Variants in CNOT6 observed in about 807,000 individuals in gnomAD.
CNOT6 encodes the protein carbon catabolite repression 4 protein.
A neutral mutation model predicts 61.2 loss-of-function variants in CNOT6; 12 were observed. That is an observed-to-expected ratio of 0.20 (90% CI 0.13 to 0.32). The LOEUF (loss-of-function observed/expected upper bound fraction) is 0.32. Ranked by LOEUF, CNOT6 falls within the 10% of genes least tolerant of loss-of-function variation. CNOT6 has a pLI of 1.00. For synonymous variants in CNOT6, 225 were observed against 240.6 expected (o/e 0.94, Z 0.60); for missense variants, 405 against 663.9 (o/e 0.61, Z 4.28).
At chr5:180,520,160 A>G (rs554370468) in intron 1 of CNOT6, among the ~76,000 whole-genome samples, 91 of 152,170 alleles carry the variant, frequency 6.0e-4, no homozygotes, top group Admixed American at 2.0e-3. Flanking sequence ...ATGAACATTT[A>G]GATTTTCAGT....
intron 1 of CNOT6, among the ~76,000 whole-genome samples, chr5:180,501,222 C>T (rs965101098): frequency 3.9e-5 from 6 of 152,114 alleles, no homozygotes; most frequent in Admixed American, 6.5e-5. Flanking sequence ...AGTTCATTTA[C>T]GTCCTGTGAG....
At chr5:180,501,702 G>A (rs937284949) in intron 1 of CNOT6, among the ~76,000 whole-genome samples, 7 of 152,218 alleles carry the variant, frequency 4.6e-5, no homozygotes, top group Non-Finnish European at 8.8e-5. Flanking sequence ...GACCACAAGA[G>A]GAGAGGACTA....
At chr5:180,562,708 C>T (rs1036337401) in intron 4 of CNOT6, among the ~76,000 whole-genome samples, 1 of 151,942 alleles carries the variant, frequency 6.6e-6, no homozygotes, top group African/African-American at 2.4e-5. Flanking sequence ...CCACTGCACT[C>T]CAGCCTGGGC....
At chr5:180,549,013 C>G (rs1759453675) in intron 2 of CNOT6, among the ~76,000 whole-genome samples, 1 of 152,136 alleles carries the variant, frequency 6.6e-6, no homozygotes, top group Non-Finnish European at 1.5e-5. Flanking sequence ...GTCACTGAAT[C>G]TTATGCCTAC....
At chr5:180,536,034 T>C (rs780126) in intron 2 of CNOT6, among the ~76,000 whole-genome samples, 107,812 of 120,800 alleles carry the variant, frequency 0.89, 48,372 homozygotes, top group East Asian at 1. Context: ...CTCACTCTGT[T>C]GCCCAGGCTG....
chr5:180,555,107 A>G (rs1323363095), intron 4 of CNOT6, among the ~76,000 whole-genome samples: 3 of 151,904 alleles, frequency 2.0e-5, no homozygotes, highest in Admixed American at 6.6e-5. Context: ...CCCTGGTTGA[A>G]GCAATTCTTC....
intron 2 of CNOT6, chr5:180,534,264 T>C (rs1758556212): frequency 1.2e-5 from 2 of 162,534 alleles, no homozygotes; most frequent in South Asian, 3.3e-4. Flanking sequence ...AAGGTTGACG[T>C]AGGCATTAAA....
chr5:180,540,884 T>C (rs1207328430), intron 2 of CNOT6, among the ~76,000 whole-genome samples: 2 of 152,194 alleles, frequency 1.3e-5, no homozygotes, highest in Admixed American at 6.5e-5. Context: ...TATTTTTCCG[T>C]ATACTTAGCA....
intron 2 of CNOT6, among the ~76,000 whole-genome samples, chr5:180,539,909 C>T (rs1409906663): frequency 3.3e-5 from 5 of 152,022 alleles, no homozygotes; most frequent in Non-Finnish European, 5.9e-5. Context: ...CATTTGAATT[C>T]AGTTTTTCTA....
intron 1 of CNOT6, among the ~76,000 whole-genome samples, chr5:180,504,197 C>T (rs950073347): frequency 6.6e-6 from 1 of 152,174 alleles, no homozygotes; most frequent in African/African-American, 2.4e-5. Flanking sequence ...GTCTGTTATA[C>T]ATCTGTAGTC....
At chr5:180,513,714 T>A (rs963765849) in intron 1 of CNOT6, among the ~76,000 whole-genome samples, 7 of 150,230 alleles carry the variant, frequency 4.7e-5, no homozygotes, top group Admixed American at 2.7e-4. Context: ...TTTATTTATT[T>A]ATTTTTGAGA....
intron 1 of CNOT6, among the ~76,000 whole-genome samples, chr5:180,520,301 T>C (rs1753100029): frequency 6.6e-6 from 1 of 152,168 alleles, no homozygotes; most frequent in Non-Finnish European, 1.5e-5. Context: ...AATGACTAAC[T>C]GGGGAATATG....
chr5:180,530,802 A>C (rs1223471340), intron 2 of CNOT6, among the ~76,000 whole-genome samples: 1 of 152,188 alleles, frequency 6.6e-6, no homozygotes, highest in Non-Finnish European at 1.5e-5. Flanking sequence ...GCATCTGTTT[A>C]ACAAAGCACA....
intron 1 of CNOT6, among the ~76,000 whole-genome samples, chr5:180,523,884 T>C (rs372223606): frequency 8.5e-5 from 13 of 152,218 alleles, no homozygotes; most frequent in Non-Finnish European, 2.9e-5. Flanking sequence ...TAATTCTGCT[T>C]TGCACCACTA....
chr5:180,557,034 A>G (rs1173151134), intron 4 of CNOT6, among the ~76,000 whole-genome samples: 3 of 151,866 alleles, frequency 2.0e-5, no homozygotes, highest in African/African-American at 7.3e-5. Context: ...CACTCAGGTT[A>G]ATTATTTGGA....
intron 1 of CNOT6, among the ~76,000 whole-genome samples, chr5:180,497,898 C>T (rs1456785875): frequency 6.6e-6 from 1 of 151,958 alleles, no homozygotes; most frequent in Non-Finnish European, 1.5e-5. Flanking sequence ...ACAAAATTAG[C>T]CAGGCGCAGT....
At chr5:180,539,295 CA>C (rs70973933) in intron 2 of CNOT6, among the ~76,000 whole-genome samples, 1 of 136,024 alleles carries the variant, frequency 7.4e-6, no homozygotes, top group Non-Finnish European at 1.7e-5. Context: ...AACAAACAAA[CA>C]AAAAAAAACT....
intron 2 of CNOT6, among the ~76,000 whole-genome samples, chr5:180,546,514 A>G (rs1434580975): frequency 6.6e-6 from 1 of 152,212 alleles, no homozygotes; most frequent in African/African-American, 2.4e-5. Flanking sequence ...TAATAGCCCA[A>G]CAGTACACTT....
At position 180,569,168 on chromosome 5, in the gene CNOT6, G is replaced by T; in HGVS notation, c.1086G>T (p.Met362Ile). Residue 362 changes from methionine (M) to isoleucine (I), a missense_variant, in exon 10 of 12, where the codon ATG (methionine) becomes ATT (isoleucine). This residue lies in a region of CNOT6 where 116 missense variants were observed against 184.6 expected (regional missense o/e 0.63). Transcript: ENST00000261951. ...TTATTCTTGTGGCTAACGCCCACAT[G>T]CATTGGGACCCTGAATACTCTGATG... The part of the protein sequence containing the change: ...KQLILVANAH[M>I]HWDPEYSDVK... 1 of 1,614,132 alleles carries T rather than the reference G, an allele frequency of 6.2e-7. No individual in the cohort carries two copies. Among genetic ancestry groups the T allele is most frequent in the Non-Finnish European group, 8.5e-7 (1 of 1,180,016 alleles).
Sources: gnomAD v4.1 joint callset for allele counts (sites outside exome capture counted in the v4.1 genomes callset) on GRCh38, gnomAD v4.1.1 for gene constraint, gnomAD v4.1.1 regional missense constraint, MANE v1.5 for transcripts, NCBI Gene and HGNC (gene_info 2026-07-23, HGNC 2026-07-21) for gene names.